Variants in ATP8A2 observed in about 807,000 individuals in gnomAD.
ATP8A2 encodes the protein ATPase phospholipid transporting 8A2.
In ATP8A2, 100 loss-of-function variants were observed where a neutral mutation model predicts 165.6. The ratio of observed to expected loss-of-function variants is 0.60; its 90% CI spans 0.51 to 0.71. ATP8A2 has a LOEUF of 0.71. ATP8A2 is among the 30% of genes least tolerant of loss of function. The pLI is 0.00. For missense variants in ATP8A2, 1,227 were observed against 1,479.5 expected, an observed-to-expected ratio of 0.83 and a Z score of 2.80; for synonymous variants, 543 against 548.8, an observed-to-expected ratio of 0.99 and a Z score of 0.15.
intron 1 of ATP8A2, among the ~76,000 whole-genome samples, chr13:25,402,332 G>A (rs2138022553): frequency 6.6e-6 from 1 of 152,296 alleles, no homozygotes; most frequent in Non-Finnish European, 1.5e-5. Flanking sequence ...AAAACGGTGG[G>A]TCAAGGCGGC....
chr13:25,706,182 G>A (rs928735742), intron 25 of ATP8A2, among the ~76,000 whole-genome samples: 4 of 152,288 alleles, frequency 2.6e-5, no homozygotes, highest in African/African-American at 9.6e-5. Context: ...TGGATTCCAA[G>A]CCCCAGTTTG....
Position 26,012,205 on chromosome 13 carries a change from G to C in ATP8A2, c.3378-326G>C, listed in dbSNP as rs139838841. On this transcript the variant is annotated intron_variant, in intron 35 of 36. Coordinates refer to ENST00000381655, the MANE Select transcript of ATP8A2 (RefSeq NM_016529.6). ...GCTGCAGGCAGGAGTGAGGCGCGGA[G>C]ATGTTTACCCGGAAACAGGCCTCTC... is the stretch of plus-strand genomic sequence containing the variant. Among the ~76,000 whole-genome samples the C allele has an allele frequency of 3.4e-3, 516 of 152,290 alleles. 4 individuals are homozygous for C. Among genetic ancestry groups the C allele is most frequent in the African/African-American group, 0.012 (497 of 41,562 alleles).
At chr13:25,723,840 G>T (rs2043436003) in intron 25 of ATP8A2, among the ~76,000 whole-genome samples, 1 of 152,036 alleles carries the variant, frequency 6.6e-6, no homozygotes. Flanking sequence ...GAGATTATCT[G>T]AGCAGGCCTG....
chr13:25,633,975 CAAA>C (rs199748845), intron 24 of ATP8A2, among the ~76,000 whole-genome samples: 4 of 133,746 alleles, frequency 3.0e-5, no homozygotes, highest in South Asian at 4.8e-4. Flanking sequence ...GACCCTGTCT[CAAA>C]AAAAAAAAAA....
intron 30 of ATP8A2, among the ~76,000 whole-genome samples, chr13:25,843,682 G>T (rs1276871689): frequency 6.6e-6 from 1 of 152,146 alleles, no homozygotes; most frequent in Non-Finnish European, 1.5e-5. Flanking sequence ...AATCCATGCA[G>T]TTTATAGTAT....
chr13:25,372,218 G>C lies in ATP8A2; in HGVS notation c.6G>C (p.Leu2=). The change falls in exon 1 of 37, where the codon CTG becomes CTC. Residue 2 remains leucine (L), a synonymous_variant. Transcript: ENST00000381655. This position sits in a 1 kb window ranked among gnomAD's most constrained non-coding sequence, Gnocchi z 4.8. The part of the protein sequence containing the change: M[L]NGAGLDKALK... Reference sequence around the variant, plus strand: ...GAGCCCCCGACACGGGCGAGATGCTGAACGGCGCAGGCCTGGACAAAGCTC... The same window carrying C: ...GAGCCCCCGACACGGGCGAGATGCTCAACGGCGCAGGCCTGGACAAAGCTC... 6.9e-7 allele frequency: 1 copy of C among 1,446,590 alleles called. No individual in the cohort carries two copies. Among genetic ancestry groups the C allele is most frequent in the Non-Finnish European group, 9.2e-7 (1 of 1,090,798 alleles). The allele number at this position is 1,446,590 out of a possible 1,614,324, so 89.6% of individuals were successfully genotyped here. A position where few individuals can be genotyped will look rare whatever the true frequency, so the allele number is the denominator to read the frequency against.
chr13:25,835,384 G>A (rs1182575029), intron 28 of ATP8A2, among the ~76,000 whole-genome samples: 6 of 152,118 alleles, frequency 3.9e-5, no homozygotes, highest in Admixed American at 2.6e-4. Flanking sequence ...AAGGAAGAGT[G>A]TGAGAGTTTT....
At chr13:25,799,321 T>G (rs1414289759) in intron 27 of ATP8A2, among the ~76,000 whole-genome samples, 1 of 152,174 alleles carries the variant, frequency 6.6e-6, no homozygotes. Flanking sequence ...AGGACATCTT[T>G]CACATGGGAG....
At chr13:25,657,781 A>C (rs140954584) in intron 24 of ATP8A2, among the ~76,000 whole-genome samples, 8 of 152,362 alleles carry the variant, frequency 5.3e-5, no homozygotes, top group African/African-American at 1.9e-4. Context: ...TTGGTCATTC[A>C]GGAAATACCT....
intron 33 of ATP8A2, among the ~76,000 whole-genome samples, chr13:25,952,867 T>A (rs1173431102): frequency 6.6e-6 from 1 of 152,184 alleles, no homozygotes; most frequent in Non-Finnish European, 1.5e-5. Flanking sequence ...TACATTGCCA[T>A]CCTTCCTAAA....
intron 24 of ATP8A2, among the ~76,000 whole-genome samples, chr13:25,627,014 G>A (rs144788772): frequency 8.5e-5 from 13 of 152,092 alleles, no homozygotes; most frequent in African/African-American, 2.2e-4. Context: ...CCCACAACAC[G>A]TGGGAATTAT....
intron 24 of ATP8A2, among the ~76,000 whole-genome samples, chr13:25,630,066 G>T (rs569909977): frequency 8.0e-6 from 1 of 124,260 alleles, no homozygotes; most frequent in Non-Finnish European, 1.7e-5. Flanking sequence ...TGCTGTTTAA[G>T]ACACCTTTTT....
At chr13:25,825,196 G>T (rs1306281914) in intron 27 of ATP8A2, among the ~76,000 whole-genome samples, 1 of 107,066 alleles carries the variant, frequency 9.3e-6, no homozygotes, top group Non-Finnish European at 1.7e-5. Context: ...TCACTCCATA[G>T]CCCAGGTTGG....
intron 2 of ATP8A2, among the ~76,000 whole-genome samples, chr13:25,498,156 A>G (rs1593404908): frequency 6.6e-6 from 1 of 152,174 alleles, no homozygotes; most frequent in Admixed American, 6.5e-5. Flanking sequence ...TTTAATGGTC[A>G]ATAGGGTGAG....
At chr13:25,746,207 A>T (rs1280301871) in intron 25 of ATP8A2, among the ~76,000 whole-genome samples, 3 of 152,164 alleles carry the variant, frequency 2.0e-5, no homozygotes, top group African/African-American at 7.2e-5. Flanking sequence ...GATAAAGCCA[A>T]CTCAAGACCT....
intron 25 of ATP8A2, among the ~76,000 whole-genome samples, chr13:25,757,756 C>T (rs2044294653): frequency 6.6e-6 from 1 of 152,086 alleles, no homozygotes; most frequent in Admixed American, 6.5e-5. Context: ...TTCCTGACCC[C>T]CAAACCCCTC....
At chr13:25,567,272 G>T (rs1042523892) in intron 16 of ATP8A2, 2 of 456,070 alleles carry the variant, frequency 4.4e-6, no homozygotes, top group Non-Finnish European at 4.4e-6. Flanking sequence ...GTTGATGTTT[G>T]AATGGAGATC....
At chr13:25,557,628 G>A (rs993207447) in intron 13 of ATP8A2, among the ~76,000 whole-genome samples, 44 of 152,310 alleles carry the variant, frequency 2.9e-4, no homozygotes, top group African/African-American at 9.9e-4. Context: ...GAGGGCGTGG[G>A]TGTGCCCTAT....
At chr13:25,996,234 T>G (rs1186378366) in intron 35 of ATP8A2, among the ~76,000 whole-genome samples, 2 of 152,218 alleles carry the variant, frequency 1.3e-5, no homozygotes, top group African/African-American at 4.8e-5. Flanking sequence ...TCATTCTGTA[T>G]CTTTTAATTG....
Sources: allele counts gnomAD v4.1 joint callset (sites outside exome capture counted in the v4.1 genomes callset), GRCh38; gene constraint gnomAD v4.1.1; non-coding constraint Gnocchi (gnomAD v3.1); transcripts MANE v1.5; gene names NCBI Gene and HGNC (gene_info 2026-07-23, HGNC 2026-07-21).